CCNB2: variants seen among roughly 807,000 people sequenced by gnomAD.
CCNB2 encodes G2/mitotic-specific cyclin-B2.
In CCNB2, 39 loss-of-function variants were observed where a neutral mutation model predicts 51.1. The ratio of observed to expected loss-of-function variants is 0.76; its 90% CI spans 0.59 to 1.00. The LOEUF is 1.00. Ranked by LOEUF, CCNB2 falls within the 50% of genes least tolerant of loss-of-function variation. The pLI is 0.00. For synonymous variants in CCNB2, 174 were observed against 165.5 expected, an observed-to-expected ratio of 1.05 and a Z score of -0.40; for missense variants, 472 against 470.3, an observed-to-expected ratio of 1.00 and a Z score of -0.03.
At position 59,124,978 on chromosome 15, in the gene CCNB2, C is replaced by G. The variant is rs28383564; in HGVS notation, c.*101C>G. ...TAGTCCTCTGGTCTATCTCATGAAA[C>G]CTCTTCTCAGACCAGTTTTCTAAAC... On this transcript the variant is annotated 3_prime_UTR_variant, in exon 9 of 9. Coordinates refer to ENST00000288207, the MANE Select transcript of CCNB2 (RefSeq NM_004701.4). 3.0e-4 allele frequency: 188 copies of G among 622,822 alleles called. No individual in the cohort carries two copies. In the East Asian group the frequency reaches 4.2e-3, roughly 14 times the overall value. 38.6% of individuals were successfully genotyped at this position (622,822 alleles called of 1,614,324 possible).
Position 59,105,436 on chromosome 15 carries a change from C to T in CCNB2, c.24+144C>T, listed in dbSNP as rs775545371. The T allele has an allele frequency of 5.1e-6, 5 of 973,664 alleles. No homozygotes were observed. In the Admixed American group the frequency reaches 1.1e-4, roughly 22 times the overall value. 60.3% of individuals were successfully genotyped at this position (973,664 alleles called of 1,614,324 possible). On this transcript the variant is annotated intron_variant, in intron 1 of 8. Coordinates refer to ENST00000288207, the MANE Select transcript of CCNB2 (RefSeq NM_004701.4). ...GGAGCTCACTGCTTCGCCCGCGTCC[C>T]TGGCCCTGCGGCCGGTCCTCTCCGG...
At chr15:59,109,318 G>A (rs746190384) in intron 3 of CCNB2, among the ~76,000 whole-genome samples, 14 of 152,112 alleles carry the variant, frequency 9.2e-5, no homozygotes, top group Non-Finnish European at 1.9e-4. Context: ...GAGCCACTGC[G>A]CCTGGCGGTA....
intron 3 of CCNB2, among the ~76,000 whole-genome samples, chr15:59,112,852 G>C (rs1326936836): frequency 3.3e-5 from 5 of 151,490 alleles, no homozygotes; most frequent in African/African-American, 9.7e-5. Flanking sequence ...GGCTAACACG[G>C]TGAAACCCCG....
chr15:59,122,833 G>A (rs1387902776), intron 7 of CCNB2, among the ~76,000 whole-genome samples: 1 of 152,140 alleles, frequency 6.6e-6, no homozygotes, highest in Non-Finnish European at 1.5e-5. Context: ...ACTGTGCCCC[G>A]CCAATTTATA....
intron 7 of CCNB2, among the ~76,000 whole-genome samples, chr15:59,120,569 A>G (rs2079298081): frequency 6.6e-6 from 1 of 152,200 alleles, no homozygotes; most frequent in Non-Finnish European, 1.5e-5. Flanking sequence ...GTATAAAAAA[A>G]AGGATTCCTG....
rs879792067 is a variant in CCNB2, at chr15:59,122,843, A to G, written c.976-674A>G. On this transcript the variant is annotated intron_variant, in intron 7 of 8. Coordinates refer to ENST00000288207, the MANE Select transcript of CCNB2 (RefSeq NM_004701.4). ...GAGCCACTGTGCCCCGCCAATTTAT[A>G]TATCTTCTTACATGATACATCTTAT... Among the ~76,000 whole-genome samples, 101 of 152,164 alleles carry G rather than the reference A, an allele frequency of 6.6e-4. 1 individual carries two copies. The highest frequency in any genetic ancestry group is 2.3e-3 in the African/African-American group (95 of 41,434).
chr15:59,107,425 C>T lies in CCNB2; in HGVS notation c.128C>T (p.Thr43Ile), dbSNP rs778445498. The T allele has an allele frequency of 6.2e-7, 1 of 1,613,226 alleles. No individual in the cohort carries two copies. The highest frequency in any genetic ancestry group is 8.5e-7 in the Non-Finnish European group (1 of 1,179,682). Residue 43 changes from threonine to isoleucine, a missense_variant, in exon 2 of 9, where the codon ACA (threonine) becomes ATA (isoleucine). Physicochemically the swap from Thr to Ile is moderately conservative, Grantham distance 89. Coordinates refer to ENST00000288207, the MANE Select transcript of CCNB2 (RefSeq NM_004701.4). The part of the protein sequence containing the change: ...TVLEEIGNRV[T>I]TRAAQVAKKA... ...TTAGAAGAAATTGGAAATAGAGTTA[C>T]AACCAGAGCAGCACAAGTAGCTAAG...
intron 3 of CCNB2, among the ~76,000 whole-genome samples, chr15:59,108,708 T>A (rs968489891): frequency 9.2e-5 from 14 of 152,210 alleles, no homozygotes; most frequent in African/African-American, 2.7e-4. Context: ...CCTGTTTGGC[T>A]TCCGATTTGT....
chr15:59,114,600 C>G lies in CCNB2; in HGVS notation c.424C>G (p.Leu142Val). The change falls in exon 4 of 9, where the codon CTC (leucine) becomes GTC (valine). Residue 142 changes from leucine (L) to valine (V), a missense_variant. Coordinates refer to ENST00000288207, the MANE Select transcript of CCNB2 (RefSeq NM_004701.4). ...CTACGTTAAGGATATCTATCAGTAT[C>G]TCAGGCAGCTGGAGGTAGGTGGGCC... ...SDYVKDIYQY[L>V]RQLEVLQSIN... 2 of 1,593,898 alleles carry G rather than the reference C, an allele frequency of 1.3e-6. No individual in the cohort carries two copies. The highest frequency in any genetic ancestry group is 1.7e-6 in the Non-Finnish European group (2 of 1,166,778).
chr15:59,110,751 G>A (rs1218910457), intron 3 of CCNB2, among the ~76,000 whole-genome samples: 7 of 152,208 alleles, frequency 4.6e-5, no homozygotes, highest in Admixed American at 4.6e-4. Flanking sequence ...TGCCCTGGCT[G>A]AGACCTCGGA....
At chr15:59,123,458 A>C in intron 7 of CCNB2, 59 bp from the exon 8 acceptor site, 11 of 931,858 alleles carry the variant, frequency 1.2e-5, no homozygotes, top group East Asian at 4.9e-5. Flanking sequence ...TCTTCTAAAG[A>C]AGCAGAGGTT....
intron 8 of CCNB2, chr15:59,124,564 G>A: frequency 1.7e-6 from 1 of 571,434 alleles, no homozygotes; most frequent in African/African-American, 1.9e-5. Flanking sequence ...TGTGCTACCA[G>A]CTGTGTTTTA....
At chr15:59,114,997 C>T in intron 5 of CCNB2, 121 bp downstream of exon 5, 2 of 1,081,650 alleles carry the variant, frequency 1.8e-6, no homozygotes, top group South Asian at 1.7e-5. Flanking sequence ...TTGTGAGAAG[C>T]CAAAGAACTT....
chr15:59,123,449 C>G, intron 7 of CCNB2, 68 bp from the exon 8 acceptor site: 1 of 854,964 alleles, frequency 1.2e-6, no homozygotes, highest in Non-Finnish European at 2.0e-6. Flanking sequence ...AAGATGTGTT[C>G]TTCTAAAGAA....
intron 1 of CCNB2, among the ~76,000 whole-genome samples, 193 bp downstream of exon 1, chr15:59,105,485 C>A (rs576647517): frequency 1.5e-4 from 23 of 152,338 alleles, no homozygotes; most frequent in African/African-American, 5.3e-4. Flanking sequence ...GTCTGGATTC[C>A]GCCCTCCCCT....
intron 8 of CCNB2, 96 bp from the exon 9 acceptor site, chr15:59,124,671 T>C (rs375598811): frequency 4.7e-6 from 4 of 844,788 alleles, no homozygotes; most frequent in Non-Finnish European, 7.9e-6. Context: ...GTGATCATGA[T>C]TGTAGCCGTG....
At chr15:59,115,764 G>A (rs1053979492) in intron 5 of CCNB2, 1 of 152,076 alleles carries the variant, frequency 6.6e-6, no homozygotes, top group Non-Finnish European at 1.5e-5. Flanking sequence ...GTTTTATTCT[G>A]TTGTTGCCCA....
chr15:59,124,100 G>A (rs1461498850), intron 8 of CCNB2: 1 of 166,630 alleles, frequency 6.0e-6, no homozygotes, highest in South Asian at 1.5e-4. Flanking sequence ...AGCAAGCATG[G>A]TTAAGAGGGA....
At chr15:59,106,190 C>G (rs1423002076) in intron 1 of CCNB2, among the ~76,000 whole-genome samples, 1 of 151,926 alleles carries the variant, frequency 6.6e-6, no homozygotes, top group African/African-American at 2.4e-5. Context: ...TACCCATAAG[C>G]ATTACATTTT....
Sources: allele counts gnomAD v4.1 joint callset (sites outside exome capture counted in the v4.1 genomes callset), GRCh38; gene constraint gnomAD v4.1.1; transcripts MANE v1.5; gene names NCBI Gene and HGNC (gene_info 2026-07-23, HGNC 2026-07-21).